Variants in SLC22A4 observed in about 807,000 individuals in gnomAD.
SLC22A4 encodes solute carrier family 22 member 4, also known as ET transporter.
In SLC22A4, 39 loss-of-function variants were observed where a neutral mutation model predicts 56.6. That is an observed-to-expected ratio of 0.69 (90% CI 0.53 to 0.90). The LOEUF (loss-of-function observed/expected upper bound fraction) is 0.90, where lower values mean the gene tolerates loss of function less well. Among genes scored for constraint, SLC22A4 ranks in the 40% least tolerant of loss-of-function variants. SLC22A4 has a pLI of 0.00. For missense variants in SLC22A4, 594 were observed against 696.5 expected, an observed-to-expected ratio of 0.85 and a Z score of 1.66; for synonymous variants, 241 against 281.4, an observed-to-expected ratio of 0.86 and a Z score of 1.44.
intron 8 of SLC22A4, among the ~76,000 whole-genome samples, chr5:132,339,049 A>G (rs534945722): frequency 3.9e-4 from 60 of 152,334 alleles, no homozygotes; most frequent in African/African-American, 1.4e-3. Flanking sequence ...TTATAAAAGT[A>G]TTAATTTGGG....
chr5:132,310,091 T>C (rs1354818446), intron 1 of SLC22A4, among the ~76,000 whole-genome samples: 1 of 152,232 alleles, frequency 6.6e-6, no homozygotes, highest in African/African-American at 2.4e-5. Flanking sequence ...GGTATCACAT[T>C]CCTTGAAGAA....
At chr5:132,296,849 C>T (rs1392491323) in intron 1 of SLC22A4, among the ~76,000 whole-genome samples, 2 of 152,170 alleles carry the variant, frequency 1.3e-5, no homozygotes, top group South Asian at 2.1e-4. Flanking sequence ...CACTGTAGGG[C>T]GTGAGGGGTG....
At chr5:132,333,334 C>G (rs975190572) in intron 6 of SLC22A4, among the ~76,000 whole-genome samples, 3 of 152,194 alleles carry the variant, frequency 2.0e-5, no homozygotes, top group African/African-American at 7.2e-5. Context: ...AGAAAGGTAT[C>G]GGCTTCCTGC....
intron 1 of SLC22A4, among the ~76,000 whole-genome samples, chr5:132,308,091 C>A (rs910061092): frequency 6.6e-6 from 1 of 152,166 alleles, no homozygotes; most frequent in Admixed American, 6.5e-5. Flanking sequence ...TATGATTATA[C>A]GGATTATTCA....
intron 6 of SLC22A4, among the ~76,000 whole-genome samples, chr5:132,333,439 C>T (rs1750923579): frequency 1.3e-5 from 2 of 152,210 alleles, no homozygotes. Context: ...AGAGGGCTAG[C>T]TTGCTGCCTT....
At chr5:132,335,674 C>A in intron 7 of SLC22A4, 144 bp from the exon 8 acceptor site, 1 of 731,152 alleles carries the variant, frequency 1.4e-6, no homozygotes, top group Non-Finnish European at 2.4e-6. Flanking sequence ...AATATTAGGA[C>A]ATTTGAAGAG....
intron 7 of SLC22A4, 99 bp downstream of exon 7, chr5:132,335,031 C>A: frequency 1.2e-6 from 1 of 851,814 alleles, no homozygotes; most frequent in Non-Finnish European, 2.0e-6. Flanking sequence ...GCCTTTACAT[C>A]ATAAGCCATT....
intron 3 of SLC22A4, among the ~76,000 whole-genome samples, chr5:132,314,264 G>C (rs771105531): frequency 7.9e-5 from 12 of 152,178 alleles, no homozygotes; most frequent in Non-Finnish European, 1.6e-4. Flanking sequence ...CCCTGAGTTA[G>C]AGCCCACCCC....
At chr5:132,324,788 A>G in intron 4 of SLC22A4, 1 of 342,640 alleles carries the variant, frequency 2.9e-6, no homozygotes, top group Non-Finnish European at 5.9e-6. Flanking sequence ...TTCAATCTAC[A>G]GAGAGATTAT....
chr5:132,318,562 C>T (rs908491917), intron 3 of SLC22A4, among the ~76,000 whole-genome samples: 4 of 152,142 alleles, frequency 2.6e-5, no homozygotes, highest in African/African-American at 7.2e-5. Context: ...GGTGCATGTC[C>T]TGCCTCTGTG....
rs527322544 is a variant in SLC22A4 at position 132,320,698 on chromosome 5, G to C, written c.653-1486G>C. On this transcript the variant is annotated intron_variant, in intron 3 of 9. Transcript: ENST00000200652. ...GAATGAGTGGGGTGGGATGGGAACA[G>C]ATAGGTGGTAAAATGAGAAACCAGC... Among the ~76,000 whole-genome samples the C allele has an allele frequency of 4.6e-5, 7 of 152,322 alleles. No homozygotes were observed. In the South Asian group the frequency reaches 1.4e-3, roughly 32 times the overall value.
At chr5:132,330,321 C>G (rs1340770664) in intron 5 of SLC22A4, among the ~76,000 whole-genome samples, 2 of 152,198 alleles carry the variant, frequency 1.3e-5, no homozygotes, top group African/African-American at 4.8e-5. Flanking sequence ...GTACTTCATC[C>G]CTGAGAGATT....
chr5:132,299,518 C>T (rs1345586394), intron 1 of SLC22A4, among the ~76,000 whole-genome samples: 1 of 151,974 alleles, frequency 6.6e-6, no homozygotes, highest in Non-Finnish European at 1.5e-5. Flanking sequence ...CAACCTCTGC[C>T]TCCTTGGTTC....
intron 5 of SLC22A4, 66 bp downstream of exon 5, chr5:132,327,469 T>A: frequency 1.4e-6 from 2 of 1,413,504 alleles, no homozygotes; most frequent in Non-Finnish European, 2.0e-6. Flanking sequence ...GAATTTAACT[T>A]AATTCAATAT....
intron 5 of SLC22A4, among the ~76,000 whole-genome samples, chr5:132,328,498 G>A (rs1475365801): frequency 6.6e-6 from 1 of 152,110 alleles, no homozygotes; most frequent in Non-Finnish European, 1.5e-5. Flanking sequence ...TCAGAGGGCT[G>A]CCAGGACAAA....
chr5:132,311,960 G>A, intron 1 of SLC22A4: 4 of 639,948 alleles, frequency 6.3e-6, no homozygotes, highest in Non-Finnish European at 8.6e-6. Context: ...GCAGTGACCT[G>A]CCCCAGGTTA....
chr5:132,312,201 C>T lies in SLC22A4; in HGVS notation c.434C>T (p.Thr145Ile). 6.2e-7 allele frequency: 1 copy of T among 1,613,524 alleles called. No individual in the cohort carries two copies. The highest frequency in any genetic ancestry group is 8.5e-7 in the Non-Finnish European group (1 of 1,179,400). ...GAGGACAACTGGAAGGTGCCCCTCACCACCTCCCTGTTCTTCGTAGGCGTG... is the reference window on the plus strand; with the variant it reads ...GAGGACAACTGGAAGGTGCCCCTCATCACCTCCCTGTTCTTCGTAGGCGTG... ...VCEDNWKVPLTTSLFFVGVLL... is the reference protein window; with the variant it reads ...VCEDNWKVPLITSLFFVGVLL... Residue 145 changes from threonine (T) to isoleucine (I), a missense_variant, in exon 2 of 10, where the codon ACC (threonine) becomes ATC (isoleucine). Physicochemically the swap from Thr to Ile is moderately conservative, Grantham distance 89. Coordinates refer to ENST00000200652, the MANE Select transcript of SLC22A4 (RefSeq NM_003059.3).
rs750134122 is a variant in SLC22A4, at chr5:132,294,757, G to A, written c.141G>A (p.Glu47=). The A allele has an allele frequency of 6.2e-6, 10 of 1,613,684 alleles. 1 individual carries two copies. The Admixed American group carries it at 1.3e-4, about 22-fold the overall frequency. Residue 47 remains glutamate, a synonymous_variant, in exon 1 of 10, where the codon GAG becomes GAA. Transcript: ENST00000200652. This position sits in a 1 kb window ranked among gnomAD's most constrained non-coding sequence, Gnocchi z 5.6. ...MSVVFLAGTP[E]HRCRVPDAAN... ...TCGTGTTCCTGGCGGGGACCCCGGA[G>A]CACCGCTGTCGAGTGCCGGACGCCG... is the stretch of plus-strand genomic sequence containing the variant.
At chr5:132,328,047 A>T (rs554999353) in intron 5 of SLC22A4, among the ~76,000 whole-genome samples, 1 of 152,322 alleles carries the variant, frequency 6.6e-6, no homozygotes, top group African/African-American at 2.4e-5. Flanking sequence ...GGAACATAGA[A>T]TGTAACTAAG....
Sources: gnomAD v4.1 joint callset for allele counts (sites outside exome capture counted in the v4.1 genomes callset) on GRCh38, gnomAD v4.1.1 for gene constraint, Gnocchi (gnomAD v3.1) non-coding constraint, MANE v1.5 for transcripts, NCBI Gene and HGNC (gene_info 2026-07-23, HGNC 2026-07-21) for gene names.